The following ITGB5 variants were observed in gnomAD, a reference collection of about 807,000 sequenced individuals.
ITGB5 encodes integrin beta-5.
A neutral mutation model predicts 84.8 loss-of-function variants in ITGB5; 38 were observed. That is an observed-to-expected ratio of 0.45 (90% CI 0.35 to 0.59). ITGB5 has a LOEUF of 0.59. Ranked by LOEUF, ITGB5 falls within the 20% of genes least tolerant of loss-of-function variation. ITGB5 has a pLI of 0.01. For synonymous variants in ITGB5, 393 were observed against 414.4 expected, an observed-to-expected ratio of 0.95 and a Z score of 0.63; for missense variants, 905 against 1,034.5, an observed-to-expected ratio of 0.87 and a Z score of 1.72.
rs1277777151 is a variant in ITGB5, at chr3:124,861,465, AAAAAACAAAAC to A, written c.157-2030_157-2020del. ...CCTGAGCGACAGTGAGACTTTGTTA[AAAAAACAAAAC>A]AAAACATATATATATATATACACAC... On this transcript the variant is annotated intron_variant, in intron 2 of 14. Coordinates refer to ENST00000296181, the MANE Select transcript of ITGB5 (RefSeq NM_002213.5). Among the ~76,000 whole-genome samples the A allele has an allele frequency of 5.5e-5, 8 of 146,662 alleles. No individual in the cohort carries two copies. In the East Asian group the frequency reaches 1.6e-3, roughly 29 times the overall value.
intron 6 of ITGB5, 100 bp from the exon 7 acceptor site, chr3:124,819,934 A>T (rs935504573): frequency 1.1e-6 from 1 of 892,808 alleles, no homozygotes; most frequent in African/African-American, 1.6e-5. Flanking sequence ...TTGCCAGGGA[A>T]GCACCTTTTC....
At chr3:124,890,347 G>T (rs140814084), upstream of ITGB5, among the ~76,000 whole-genome samples, 306 of 151,924 alleles carry the variant, frequency 2.0e-3, 2 homozygotes, top group African/African-American at 7.1e-3. Flanking sequence ...GGGACTACAG[G>T]CGTGTGCCAC....
At chr3:124,853,084 CAA>C (rs751194018) in intron 3 of ITGB5, among the ~76,000 whole-genome samples, 20 of 152,032 alleles carry the variant, frequency 1.3e-4, no homozygotes, top group Non-Finnish European at 2.9e-4. Flanking sequence ...TGATTTTGTT[CAA>C]AGTGTTAAGA....
chr3:124,818,502 CTTTTTTTTTTTTTTTT>C (rs143582866), intron 7 of ITGB5, among the ~76,000 whole-genome samples: 20 of 68,210 alleles, frequency 2.9e-4, no homozygotes, highest in South Asian at 6.4e-4. Flanking sequence ...AGTGCATAGG[CTTTTTTTTTTTTTTTT>C]TTTTTTTTTT....
chr3:124,857,729 A>G lies in ITGB5; in HGVS notation c.361+1513T>C, dbSNP rs150366888. Among the ~76,000 whole-genome samples, 973 of 152,356 alleles carry G rather than the reference A, an allele frequency of 6.4e-3. 8 individuals are homozygous for G. Among genetic ancestry groups the G allele is most frequent in the African/African-American group, 0.022 (901 of 41,582 alleles). On this transcript the variant is annotated intron_variant, in intron 3 of 14. Transcript: ENST00000296181. ...TCTAATATGCAGAATATTCAATGAT[A>G]AAAGTGGTGAACTAGAAACAGCCAT...
At chr3:124,855,108 T>G in intron 3 of ITGB5, among the ~76,000 whole-genome samples, 1 of 151,772 alleles carries the variant, frequency 6.6e-6, no homozygotes, top group Admixed American at 6.6e-5. Flanking sequence ...AGCCCAGGAG[T>G]TCGAGACCAG....
At position 124,820,913 on chromosome 3, in the gene ITGB5, C is replaced by T. The variant is rs191873660; in HGVS notation, c.942+400G>A. 7.2e-4 allele frequency among the ~76,000 whole-genome samples: 110 copies of T among 152,302 alleles called. No homozygotes were observed. The Middle Eastern group carries it at 0.014, about 19-fold the overall frequency. Reference sequence around the variant, plus strand: ...GCAACTCACCACCTCTGGGAGCCCACGTCTAGAAGTCAGGAAGTCCTGCCC... The same window carrying T: ...GCAACTCACCACCTCTGGGAGCCCATGTCTAGAAGTCAGGAAGTCCTGCCC... On this transcript the variant is annotated intron_variant, in intron 6 of 14. Coordinates refer to ENST00000296181, the MANE Select transcript of ITGB5 (RefSeq NM_002213.5).
intron 4 of ITGB5, among the ~76,000 whole-genome samples, chr3:124,846,691 T>C (rs9843012): frequency 0.11 from 17,490 of 152,180 alleles, 1,121 homozygotes; most frequent in South Asian, 0.17. Context: ...CCCAGCACTT[T>C]GGGAGGCTGA....
rs772255502 is a variant in ITGB5, at chr3:124,764,396, C to G, written c.2299G>C (p.Glu767Gln). The G allele has an allele frequency of 6.2e-7, 1 of 1,604,366 alleles. No individual in the cohort carries two copies. The highest frequency in any genetic ancestry group is 2.2e-5 in the East Asian group (1 of 44,604). The change falls in exon 14 of 15, where the codon GAA becomes CAA. Residue 767 changes from glutamate to glutamine, a missense_variant. By Grantham distance (29) the Glu-to-Gln change is conservative. Around this residue, in one of 3 missense-constraint regions of ITGB5, gnomAD observed 133 missense variants for 122.8 expected, o/e 1.08. Transcript: ENST00000296181. Reference sequence around the variant, plus strand: ...CCCATTTCCCACGTGCTTACCATTTCATAGCGGGCCCTGGATCGCTCGCTC... The same window carrying G: ...CCCATTTCCCACGTGCTTACCATTTGATAGCGGGCCCTGGATCGCTCGCTC... ...FQSERSRARY[E>Q]MASNPLYRKP...
At chr3:124,883,730 T>G (rs1934682404) in intron 1 of ITGB5, among the ~76,000 whole-genome samples, 1 of 152,228 alleles carries the variant, frequency 6.6e-6, no homozygotes, top group Admixed American at 6.5e-5. Flanking sequence ...GCACACATAA[T>G]TCCAGCGGTG....
intron 10 of ITGB5, among the ~76,000 whole-genome samples, chr3:124,781,906 G>C (rs1316033301): frequency 2.0e-5 from 3 of 152,138 alleles, no homozygotes; most frequent in Non-Finnish European, 4.4e-5. Flanking sequence ...CCTACCTGCT[G>C]GCTGTGGGCA....
At chr3:124,894,973 C>T (rs529510366) in intron 1 of ITGB5, among the ~76,000 whole-genome samples, 42 of 149,260 alleles carry the variant, frequency 2.8e-4, no homozygotes, top group African/African-American at 8.8e-4. Flanking sequence ...AGAAAGTTTA[C>T]GAATTTGTGT....
intron 3 of ITGB5, among the ~76,000 whole-genome samples, chr3:124,858,231 A>T (rs2065246347): frequency 6.6e-6 from 1 of 152,118 alleles, no homozygotes; most frequent in Non-Finnish European, 1.5e-5. Context: ...CATTATAAGT[A>T]ATTATATTAC....
upstream of ITGB5, among the ~76,000 whole-genome samples, chr3:124,888,395 A>G (rs181955257): frequency 1.8e-3 from 269 of 152,322 alleles, no homozygotes; most frequent in African/African-American, 6.2e-3. Context: ...GAACTAGCCA[A>G]TAAAGAGTGG....
At chr3:124,850,916 T>C (rs1270282919) in intron 3 of ITGB5, among the ~76,000 whole-genome samples, 1 of 152,178 alleles carries the variant, frequency 6.6e-6, no homozygotes, top group African/African-American at 2.4e-5. Flanking sequence ...TCCTTGGCCC[T>C]TGCATGGGCA....
At chr3:124,893,550 G>C (rs1203945938) in intron 1 of ITGB5, among the ~76,000 whole-genome samples, 1 of 152,216 alleles carries the variant, frequency 6.6e-6, no homozygotes, top group Middle Eastern at 3.4e-3. Flanking sequence ...CCCTGTGCCA[G>C]CTCTCAGAGT....
intron 10 of ITGB5, among the ~76,000 whole-genome samples, chr3:124,784,893 T>C (rs149780076): frequency 1.3e-5 from 2 of 152,300 alleles, no homozygotes; most frequent in East Asian, 3.9e-4. Context: ...ACTGTCATGG[T>C]GTTGTGGTTG....
chr3:124,806,497 G>A (rs1374085979), intron 9 of ITGB5, among the ~76,000 whole-genome samples: 8 of 138,946 alleles, frequency 5.8e-5, no homozygotes, highest in South Asian at 2.4e-4. Flanking sequence ...GCAGTGGCGC[G>A]ATCTCGGCTC....
intron 10 of ITGB5, among the ~76,000 whole-genome samples, chr3:124,784,948 G>C (rs575304023): frequency 1.1e-4 from 16 of 152,342 alleles, no homozygotes; most frequent in Non-Finnish European, 2.2e-4. Context: ...ACTGTTCAGA[G>C]ACTAGCTGCC....
Sources: gnomAD v4.1 joint callset for allele counts (sites outside exome capture counted in the v4.1 genomes callset) on GRCh38, gnomAD v4.1.1 for gene constraint, gnomAD v4.1.1 regional missense constraint, MANE v1.5 for transcripts, NCBI Gene and HGNC (gene_info 2026-07-23, HGNC 2026-07-21) for gene names.